The following N4BP2L2 variants were observed in gnomAD, a reference collection of about 807,000 sequenced individuals.
The protein encoded by N4BP2L2 is NEDD4 binding protein 2 like 2, also known as NEDD4-binding protein 2-like 2.
A neutral mutation model predicts 56.2 loss-of-function variants in N4BP2L2; 50 were observed. That is an observed-to-expected ratio of 0.89 (90% confidence interval 0.71 to 1.13). N4BP2L2 has a LOEUF of 1.13. Among genes scored for constraint, N4BP2L2 ranks in the 50% most tolerant of loss-of-function variants. The pLI is 0.00. For synonymous variants in N4BP2L2, 203 were observed against 223.6 expected, an observed-to-expected ratio of 0.91 and a Z score of 0.82; for missense variants, 689 against 693.8, an observed-to-expected ratio of 0.99 and a Z score of 0.08.
At chr13:32,530,090 A>C (rs1378310850) in intron 2 of N4BP2L2, among the ~76,000 whole-genome samples, 3 of 152,174 alleles carry the variant, frequency 2.0e-5, no homozygotes, top group Non-Finnish European at 4.4e-5. Context: ...GTATCTAAAA[A>C]ACGGTTTAAA....
chr13:32,497,941 T>A lies in N4BP2L2; in HGVS notation c.365+19916A>T, dbSNP rs148926205. Reference sequence around the variant, plus strand: ...GCTACTGATCCACAAGTACAGAAATTGAGAATAAGTAAAAAAAAAAATTTT... The same window carrying A: ...GCTACTGATCCACAAGTACAGAAATAGAGAATAAGTAAAAAAAAAAATTTT... On this transcript the variant is annotated intron_variant, in intron 6 of 9. Coordinates refer to the N4BP2L2 transcript ENST00000357505. 2.1e-3 allele frequency among the ~76,000 whole-genome samples: 323 copies of A among 152,248 alleles called. 3 individuals carry two copies. The highest frequency in any genetic ancestry group is 3.9e-3 in the Non-Finnish European group (263 of 68,010).
chr13:32,457,511 A>G (rs1857728242), intron 6 of N4BP2L2, among the ~76,000 whole-genome samples: 1 of 152,244 alleles, frequency 6.6e-6, no homozygotes. Flanking sequence ...GGGAACTCCT[A>G]TCAGATTAAC....
chr13:32,442,948 TCTC>T (rs1247974915), exon 7 of N4BP2L2: 1 of 1,613,344 alleles, frequency 6.2e-7, no homozygotes, highest in South Asian at 1.1e-5. Context: ...ATCTTTTTCT[TCTC>T]CCAAAGTAAT....
intron 3 of N4BP2L2, chr13:32,525,282 A>G (rs1028698998): frequency 1.3e-5 from 2 of 152,026 alleles, no homozygotes; most frequent in African/African-American, 2.4e-5. Context: ...AAAAAAATTA[A>G]TATTTTTTTA....
At chr13:32,496,330 C>CT (rs1181012651) in intron 6 of N4BP2L2, among the ~76,000 whole-genome samples, 2 of 152,034 alleles carry the variant, frequency 1.3e-5, no homozygotes, top group African/African-American at 4.8e-5. Context: ...ATTTTAACTG[C>CT]TTTTTTTCCT....
intron 6 of N4BP2L2, among the ~76,000 whole-genome samples, chr13:32,491,218 G>A (rs1003243009): frequency 1.3e-5 from 2 of 152,142 alleles, no homozygotes; most frequent in Admixed American, 1.3e-4. Context: ...CATGGTTATT[G>A]CAATGTTTTT....
At chr13:32,440,327 A>T (rs1345186951) in intron 7 of N4BP2L2, among the ~76,000 whole-genome samples, 4 of 152,236 alleles carry the variant, frequency 2.6e-5, no homozygotes, top group Admixed American at 1.3e-4. Context: ...GAGAACTGCA[A>T]AAATTGGAGC....
intron 2 of N4BP2L2, among the ~76,000 whole-genome samples, chr13:32,532,878 C>G (rs1375981518): frequency 7.3e-6 from 1 of 137,246 alleles, no homozygotes; most frequent in African/African-American, 2.6e-5. Context: ...GGTGAGCCAC[C>G]GGCACCCGGC....
intron 6 of N4BP2L2, chr13:32,446,468 A>G: frequency 4.5e-6 from 6 of 1,333,408 alleles, no homozygotes; most frequent in Non-Finnish European, 6.0e-6. Context: ...TCTTTACTCA[A>G]ATGTGAACCA....
chr13:32,477,790 TTAAGAG>T (rs1247252476), intron 6 of N4BP2L2: 2 of 1,083,348 alleles, frequency 1.8e-6, no homozygotes, highest in African/African-American at 3.2e-5. Context: ...CCAGGTCTTG[TTAAGAG>T]GTATACAGCT....
chr13:32,449,160 T>C (rs561577241), intron 6 of N4BP2L2, among the ~76,000 whole-genome samples: 5 of 152,362 alleles, frequency 3.3e-5, no homozygotes, highest in Admixed American at 6.5e-5. Context: ...CTCTCCAGTG[T>C]AACTGCACCC....
chr13:32,483,020 T>A (rs756995710), intron 6 of N4BP2L2, among the ~76,000 whole-genome samples: 1 of 152,240 alleles, frequency 6.6e-6, no homozygotes, highest in Non-Finnish European at 1.5e-5. Flanking sequence ...TGAATTTTCA[T>A]CCAATTATTT....
At chr13:32,452,666 A>G (rs1456503718) in intron 6 of N4BP2L2, among the ~76,000 whole-genome samples, 1 of 152,196 alleles carries the variant, frequency 6.6e-6, no homozygotes, top group African/African-American at 2.4e-5. Flanking sequence ...TTTTTTATCT[A>G]TGTACTTAAA....
intron 5 of N4BP2L2, among the ~76,000 whole-genome samples, chr13:32,518,983 T>C (rs1398461618): frequency 6.6e-6 from 1 of 152,178 alleles, no homozygotes; most frequent in Non-Finnish European, 1.5e-5. Context: ...ACAGGAAACA[T>C]ATTTTTACAT....
In N4BP2L2 at chr13:32,522,256, C is replaced by T. The variant is rs1276946311; in HGVS notation, c.1399G>A (p.Asp467Asn). The T allele has an allele frequency of 1.3e-5, 20 of 1,532,466 alleles. No homozygotes were observed. Among genetic ancestry groups the T allele is most frequent in the Non-Finnish European group, 1.8e-5 (20 of 1,141,806 alleles). 94.9% of individuals were successfully genotyped at this position (1,532,466 alleles called of 1,614,324 possible). ...ATTATAACTGGAGATCTTCCCTGAT[C>T]GATAGCTTGTTTTGCTGAAATAAAA... The change falls in exon 4 of 6, where the codon GAT becomes AAT. Residue 467 changes from aspartate to asparagine, a missense_variant. Transcript: ENST00000267068.
intron 6 of N4BP2L2, among the ~76,000 whole-genome samples, chr13:32,493,536 G>A (rs938944020): frequency 6.6e-6 from 1 of 152,120 alleles, no homozygotes. Context: ...CCTATCTGAA[G>A]AACTCAGACT....
rs966076621 is a variant in N4BP2L2 at position 32,536,772 on chromosome 13, T to C, written c.256A>G (p.Met86Val). ...ATAACATCTGGTCTATTACCAGGCA[T>C]CTCATCATGCAAAGGTCTATGCAAA... is the stretch of plus-strand genomic sequence containing the variant. Residue 86 changes from methionine to valine, a missense_variant, in exon 2 of 6, where the codon ATG becomes GTG. Coordinates refer to ENST00000267068, the Ensembl canonical transcript of N4BP2L2. The C allele has an allele frequency of 3.1e-6, 5 of 1,614,028 alleles. No homozygotes were observed. The African/African-American group carries it at 6.7e-5, about 22-fold the overall frequency.
At chr13:32,432,863 G>A (rs543645693) in exon 10 of N4BP2L2, 1 of 152,022 alleles carries the variant, frequency 6.6e-6, no homozygotes, top group African/African-American at 2.4e-5. Flanking sequence ...ACTAATTTTG[G>A]TATCCAACGG....
At chr13:32,499,597 A>AT (rs2089567199) in intron 6 of N4BP2L2, among the ~76,000 whole-genome samples, 1 of 152,154 alleles carries the variant, frequency 6.6e-6, no homozygotes, top group African/African-American at 2.4e-5. Flanking sequence ...CTCATTTCCA[A>AT]TTTACATCTA....
Sources: allele counts gnomAD v4.1 joint callset (sites outside exome capture counted in the v4.1 genomes callset), GRCh38; gene constraint gnomAD v4.1.1; transcripts MANE v1.5; gene names NCBI Gene and HGNC (gene_info 2026-07-23, HGNC 2026-07-21).